The following CNTN5 variants were observed in gnomAD, a reference collection of about 807,000 sequenced individuals.
CNTN5 encodes the protein contactin 5, also known as contactin-5.
In CNTN5, 77 loss-of-function variants were observed where a neutral mutation model predicts 129.1. The ratio of observed to expected loss-of-function variants is 0.60; its 90% CI spans 0.50 to 0.72. The LOEUF (loss-of-function observed/expected upper bound fraction) is 0.72. Among genes scored for constraint, CNTN5 ranks in the 30% least tolerant of loss-of-function variants. CNTN5 has a pLI of 0.00. For synonymous variants in CNTN5, 509 were observed against 465.6 expected, an observed-to-expected ratio of 1.09 and a Z score of -1.20; for missense variants, 1,478 against 1,328.8, an observed-to-expected ratio of 1.11 and a Z score of -1.75.
chr11:99,324,963 T>A (rs1865721622), intron 1 of CNTN5, among the ~76,000 whole-genome samples: 1 of 152,160 alleles, frequency 6.6e-6, no homozygotes, highest in Non-Finnish European at 1.5e-5. Flanking sequence ...ATAAAATAAA[T>A]AATAAATTTA....
chr11:99,420,434 T>C (rs10501907), intron 2 of CNTN5, among the ~76,000 whole-genome samples: 50,540 of 151,984 alleles, frequency 0.33, 8,553 homozygotes, highest in East Asian at 0.5. Context: ...TCAGTGTTAA[T>C]GGTAGCACAT....
intron 7 of CNTN5, among the ~76,000 whole-genome samples, chr11:99,943,008 A>G (rs1317069934): frequency 6.6e-6 from 1 of 152,128 alleles, no homozygotes; most frequent in African/African-American, 2.4e-5. Context: ...TCCAATAAAC[A>G]TACATGTGCA....
chr11:99,147,654 TTTTCCATGCTGAGC>T (rs1859853406), intron 1 of CNTN5, among the ~76,000 whole-genome samples: 1 of 152,166 alleles, frequency 6.6e-6, no homozygotes, highest in South Asian at 2.1e-4. Context: ...AGGACAACAA[TTTTCCATGCTGAGC>T]TGCTGATTGT....
At chr11:99,842,404 A>T (rs999510980) in intron 4 of CNTN5, among the ~76,000 whole-genome samples, 1 of 152,094 alleles carries the variant, frequency 6.6e-6, no homozygotes, top group Non-Finnish European at 1.5e-5. Context: ...TATACAAGGT[A>T]TTTGCAAATG....
intron 2 of CNTN5, among the ~76,000 whole-genome samples, chr11:99,439,435 C>CGGT (rs1565583169): frequency 6.6e-6 from 1 of 151,880 alleles, no homozygotes; most frequent in East Asian, 1.9e-4. Context: ...TAGACAGGCG[C>CGGT]GGTGGCTCAC....
Position 99,480,522 on chromosome 11 carries a change from A to G in CNTN5, c.-70-75623A>G, listed in dbSNP as rs140050253. ...TAGAACATATGGAACAATGGCTGGA[A>G]TAATTATGAACATCATATAAACATT... On this transcript the variant is annotated intron_variant, in intron 2 of 24. Coordinates refer to ENST00000524871, the MANE Select transcript of CNTN5 (RefSeq NM_014361.4). 2.8e-3 allele frequency among the ~76,000 whole-genome samples: 421 copies of G among 152,338 alleles called. 3 individuals carry two copies. The highest frequency in any genetic ancestry group is 9.2e-3 in the African/African-American group (382 of 41,576).
intron 13 of CNTN5, among the ~76,000 whole-genome samples, chr11:100,127,288 A>T (rs1417738785): frequency 6.6e-6 from 1 of 151,980 alleles, no homozygotes; most frequent in African/African-American, 2.4e-5. Flanking sequence ...AAGATCTCTT[A>T]TAGGCTAGGC....
At chr11:99,392,229 T>G (rs1941299721) in intron 2 of CNTN5, among the ~76,000 whole-genome samples, 1 of 151,400 alleles carries the variant, frequency 6.6e-6, no homozygotes, top group Admixed American at 6.6e-5. Context: ...AAAATAAAAA[T>G]AAAAATAAAA....
At chr11:99,480,027 A>C (rs958759461) in intron 2 of CNTN5, among the ~76,000 whole-genome samples, 1 of 152,102 alleles carries the variant, frequency 6.6e-6, no homozygotes, top group Admixed American at 6.6e-5. Context: ...AAAAGTAGAG[A>C]TACAAAATAT....
At chr11:99,394,005 CT>C (rs1289353258) in intron 2 of CNTN5, among the ~76,000 whole-genome samples, 8 of 151,668 alleles carry the variant, frequency 5.3e-5, no homozygotes, top group Non-Finnish European at 1.5e-5. Context: ...ATTTCTATTT[CT>C]TTCTTAACGA....
At chr11:99,495,600 C>G (rs1454792411) in intron 2 of CNTN5, among the ~76,000 whole-genome samples, 4 of 152,150 alleles carry the variant, frequency 2.6e-5, no homozygotes, top group Non-Finnish European at 4.4e-5. Context: ...CACACTAGCA[C>G]ATGCATAAAG....
chr11:99,905,593 T>C (rs1949479112), intron 6 of CNTN5, among the ~76,000 whole-genome samples: 2 of 152,202 alleles, frequency 1.3e-5, no homozygotes, highest in South Asian at 4.1e-4. Flanking sequence ...AGCTTTGTTC[T>C]TTTTTCTTAG....
chr11:99,452,372 G>GTTTTTTT (rs71463577), intron 2 of CNTN5, among the ~76,000 whole-genome samples: 1,192 of 103,890 alleles, frequency 0.011, 23 homozygotes, highest in East Asian at 0.034. Flanking sequence ...AAACACAGGT[G>GTTTTTTT]TTTTTTTTTT....
rs542489791 is a variant in CNTN5 at position 99,141,907 on chromosome 11, C to T, written c.-210+120637C>T. ...TTTGAATTTGTTGAGAATTGCTTTA[C>T]GTGGCCAATTTTAGAGTATTTGCCA... is the stretch of plus-strand genomic sequence containing the variant. On this transcript the variant is annotated intron_variant, in intron 1 of 24. Coordinates refer to ENST00000524871, the MANE Select transcript of CNTN5 (RefSeq NM_014361.4). Among the ~76,000 whole-genome samples the T allele has an allele frequency of 2.5e-4, 38 of 152,204 alleles. 2 individuals are homozygous for T. The South Asian group carries it at 7.1e-3, about 28-fold the overall frequency.
chr11:99,521,561 T>C (rs1448249124), intron 2 of CNTN5, among the ~76,000 whole-genome samples: 1 of 152,220 alleles, frequency 6.6e-6, no homozygotes, highest in African/African-American at 2.4e-5. Context: ...AGTCATCCTT[T>C]CTTTTAGAGG....
intron 15 of CNTN5, among the ~76,000 whole-genome samples, chr11:100,219,062 A>G (rs1249820509): frequency 6.6e-6 from 1 of 152,208 alleles, no homozygotes; most frequent in Non-Finnish European, 1.5e-5. Context: ...AAGGCACACA[A>G]AAAGAGAAAA....
intron 1 of CNTN5, among the ~76,000 whole-genome samples, chr11:99,064,914 G>A (rs1277240578): frequency 6.6e-6 from 1 of 151,712 alleles, no homozygotes; most frequent in Non-Finnish European, 1.5e-5. Context: ...ATTAAATCAT[G>A]TATAAATGTT....
At chr11:99,831,406 C>A (rs1165402774) in intron 4 of CNTN5, among the ~76,000 whole-genome samples, 2 of 152,152 alleles carry the variant, frequency 1.3e-5, no homozygotes, top group East Asian at 3.8e-4. Context: ...ATTCGTTCAA[C>A]TTTCGAAGTA....
chr11:99,960,739 A>G (rs1001249966), intron 8 of CNTN5, among the ~76,000 whole-genome samples: 6 of 152,164 alleles, frequency 3.9e-5, no homozygotes, highest in African/African-American at 1.4e-4. Context: ...GAAAATCGTA[A>G]TGAAGGCATT....
Sources: gnomAD v4.1 joint callset for allele counts (sites outside exome capture counted in the v4.1 genomes callset) on GRCh38, gnomAD v4.1.1 for gene constraint, MANE v1.5 for transcripts, NCBI Gene and HGNC (gene_info 2026-07-23, HGNC 2026-07-21) for gene names.